WDR55: variants seen among roughly 807,000 people sequenced by gnomAD.
WDR55 encodes the protein WD repeat domain 55.
WDR55 carries 31 observed loss-of-function variants against 34.0 expected under a neutral mutation model. The ratio of observed to expected loss-of-function variants is 0.91; its 90% CI spans 0.69 to 1.23. The LOEUF (loss-of-function observed/expected upper bound fraction) is 1.23, where lower values mean the gene tolerates loss of function less well. Ranked by LOEUF, WDR55 falls within the 50% of genes most tolerant of loss-of-function variation. The pLI is 0.00. For synonymous variants in WDR55, 164 were observed against 185.9 expected (o/e 0.88, Z 0.96); for missense variants, 440 against 494.6 (o/e 0.89, Z 1.05).
In WDR55 at chr5:140,669,183, T is replaced by C. The variant is rs1758001879; in HGVS notation, c.765T>C (p.Ser255=). The change falls in exon 6 of 7, where the codon TCT becomes TCC. Residue 255 remains serine, a synonymous_variant. Coordinates refer to ENST00000358337, the MANE Select transcript of WDR55 (RefSeq NM_017706.5). ...TSDRFALRAE[S]IDCMVPVTES... The stretch of plus-strand genomic sequence containing the variant: ...ACCGCTTTGCCCTGAGAGCTGAATC[T>C]ATCGACTGCATGGTTCCAGTCACCG... 12 of 1,614,132 alleles carry C rather than the reference T, an allele frequency of 7.4e-6. No individual in the cohort carries two copies. Among genetic ancestry groups the C allele is most frequent in the Non-Finnish European group, 1.0e-5 (12 of 1,180,026 alleles).
intron 1 of WDR55, 53 bp downstream of exon 1, chr5:140,665,156 A>G: frequency 1.3e-6 from 2 of 1,500,358 alleles, no homozygotes; most frequent in South Asian, 1.3e-5. Context: ...CCGGGGGTGG[A>G]CCTGGGAACA....
intron 3 of WDR55, 24 bp from the exon 4 acceptor site, chr5:140,668,588 G>A (rs1413135653): frequency 6.2e-7 from 1 of 1,611,048 alleles, no homozygotes; most frequent in Non-Finnish European, 8.5e-7. Flanking sequence ...GATGCTCCAA[G>A]AAGTTCTACA....
At position 140,668,899 on chromosome 5, in the gene WDR55, G is replaced by C. The variant is rs978707041; in HGVS notation, c.569G>C (p.Gly190Ala). The C allele has an allele frequency of 2.5e-6, 4 of 1,614,184 alleles. No homozygotes were observed. The highest frequency in any genetic ancestry group is 3.4e-6 in the Non-Finnish European group (4 of 1,180,036). ...TGCTCTACTCTCTACAGCGGGGATG[G>C]CTGCCTTGGCATCTTCAACATTAAG... ...KKLLLTASGD[G>A]CLGIFNIKRR... The change falls in exon 5 of 7, where the codon GGC becomes GCC. Residue 190 changes from glycine to alanine, a missense_variant. By Grantham distance (60) the Gly-to-Ala change is moderately conservative. Transcript: ENST00000358337.
At chr5:140,668,559 A>T in intron 3 of WDR55, 53 bp from the exon 4 acceptor site, 1 of 1,610,146 alleles carries the variant, frequency 6.2e-7, no homozygotes, top group East Asian at 2.2e-5. Flanking sequence ...AAGGACCAGG[A>T]GGTCCCCACT....
Position 140,669,324 on chromosome 5 carries a change from C to G in WDR55, c.831-9C>G. 2 of 1,610,358 alleles carry G rather than the reference C, an allele frequency of 1.2e-6. No homozygotes were observed. Among genetic ancestry groups the G allele is most frequent in the Non-Finnish European group, 1.7e-6 (2 of 1,177,104 alleles). ...AGCCAGTACTCAACACTGTTCTTTC[C>G]CTGCCCAGGGCTGTGAACATCCTAC... On this transcript the variant is annotated splice_polypyrimidine_tract_variant and intron_variant, in intron 6 of 6. Coordinates refer to ENST00000358337, the MANE Select transcript of WDR55 (RefSeq NM_017706.5).
In WDR55 at chr5:140,669,622, G is replaced by GA; in HGVS notation, c.1124dup (p.Glu376GlyfsTer6). On this transcript the variant is annotated frameshift_variant, in exon 7 of 7. Transcript: ENST00000358337. LOFTEE classifies it high-confidence loss of function. ...GGGAGAAGACTCCATGGCTCAGGAA[G>GA]AAAAGGAGGAGACTGGGGATGACAG... 6.2e-7 allele frequency: 1 copy of GA among 1,613,938 alleles called. No individual in the cohort carries two copies. Among genetic ancestry groups the GA allele is most frequent in the Non-Finnish European group, 8.5e-7 (1 of 1,179,916 alleles).
rs2149814561 is a variant in WDR55 at position 140,671,004 on chromosome 5, G to T, written c.*1350G>T. The T allele has an allele frequency of 1.9e-6, 1 of 526,546 alleles. No homozygotes were observed. 32.6% of individuals were successfully genotyped at this position (526,546 alleles called of 1,614,324 possible). A position where few individuals can be genotyped will look rare whatever the true frequency, so the allele number is the denominator to read the frequency against. On this transcript the variant is annotated 3_prime_UTR_variant, in exon 7 of 7. Transcript: ENST00000358337. Reference sequence around the variant, plus strand: ...TCATGCTAAGCTGTGGCAGAGGGGGGAAGGTATGATCGGGTGGGGGTGGGA... The same window carrying T: ...TCATGCTAAGCTGTGGCAGAGGGGGTAAGGTATGATCGGGTGGGGGTGGGA...
At position 140,668,885 on chromosome 5, in the gene WDR55, C is replaced by A. The variant is rs530821021; in HGVS notation, c.561-6C>A. On this transcript the variant is annotated splice_region_variant and splice_polypyrimidine_tract_variant and intron_variant, in intron 4 of 6. Coordinates refer to ENST00000358337, the MANE Select transcript of WDR55 (RefSeq NM_017706.5). ...GCGTCTAAGCCTACTGCTCTACTCT[C>A]TACAGCGGGGATGGCTGCCTTGGCA... 8.7e-6 allele frequency: 14 copies of A among 1,614,120 alleles called. No individual in the cohort carries two copies. Among genetic ancestry groups the A allele is most frequent in the Non-Finnish European group, 2.5e-6 (3 of 1,180,050 alleles).
In WDR55 at chr5:140,669,459, C is replaced by CA; in HGVS notation, c.959dup (p.Phe321ValfsTer14). ...CCAGTAGTGGCCATGACCAGCGCCT[C>CA]AAGTTTTGGGACATGGCCCAGCTGC... On this transcript the variant is annotated frameshift_variant, in exon 7 of 7. Transcript: ENST00000358337. LOFTEE classifies it high-confidence loss of function. 1 of 1,614,118 alleles carries CA rather than the reference C, an allele frequency of 6.2e-7. No homozygotes were observed. Among genetic ancestry groups the CA allele is most frequent in the Non-Finnish European group, 8.5e-7 (1 of 1,180,012 alleles).
In WDR55 at chr5:140,671,172, G is replaced by T. The variant is rs561649345; in HGVS notation, c.*1518G>T. ...CCTGTCCCAGCAGGGAGGCTGATGG[G>T]CCTGGGCCCATGCCCCTCCCCACCT... On this transcript the variant is annotated 3_prime_UTR_variant, in exon 7 of 7. Coordinates refer to ENST00000358337, the MANE Select transcript of WDR55 (RefSeq NM_017706.5). The T allele has an allele frequency of 1.1e-5, 14 of 1,297,660 alleles. No individual in the cohort carries two copies. The highest frequency in any genetic ancestry group is 4.4e-5 in the African/African-American group (3 of 68,168). The allele number at this position is 1,297,660 out of a possible 1,614,324, so 80.4% of individuals were successfully genotyped here.
At chr5:140,666,880 A>C (rs1757937604) in intron 1 of WDR55, 1 of 985,272 alleles carries the variant, frequency 1.0e-6, no homozygotes, top group Non-Finnish European at 1.2e-6. Context: ...TCTAGGGTAG[A>C]TGCTCAACAC....
chr5:140,665,152 G>T (rs1443859457), intron 1 of WDR55, 49 bp downstream of exon 1: 1 of 1,512,038 alleles, frequency 6.6e-7, no homozygotes, highest in Non-Finnish European at 8.9e-7. Flanking sequence ...CTTCCCGGGG[G>T]TGGACCTGGG....
At position 140,670,659 on chromosome 5, in the gene WDR55, T is replaced by C; in HGVS notation, c.*1005T>C. ...CCAACACACCCGGCCTGGATATGAA[T>C]TTATAATACCCTACAGTGCAACACA... On this transcript the variant is annotated 3_prime_UTR_variant, in exon 7 of 7. Transcript: ENST00000358337. The C allele has an allele frequency of 6.5e-6, 1 of 154,556 alleles. No individual in the cohort carries two copies. Among genetic ancestry groups the C allele is most frequent in the Admixed American group, 6.3e-5 (1 of 15,758 alleles). 9.6% of individuals were successfully genotyped at this position (154,556 alleles called of 1,614,324 possible).
Position 140,671,607 on chromosome 5 carries a change from A to T in WDR55, c.*1953A>T. 1 of 1,573,150 alleles carries T rather than the reference A, an allele frequency of 6.4e-7. No individual in the cohort carries two copies. Among genetic ancestry groups the T allele is most frequent in the Non-Finnish European group, 8.6e-7 (1 of 1,159,986 alleles). ...GTAGCCCGAGCCCCTTGGAACCCTA[A>T]CTTGTCCCTTGCCAAAGCCAACTGG... On this transcript the variant is annotated 3_prime_UTR_variant, in exon 7 of 7. Transcript: ENST00000358337.
chr5:140,667,059 C>A, intron 1 of WDR55: 1 of 985,440 alleles, frequency 1.0e-6, no homozygotes, highest in African/African-American at 1.7e-5. Context: ...ATTATACCTA[C>A]CCTTGCAGAG....
rs1337976969 is a variant in WDR55 at position 140,672,344 on chromosome 5, C to T, written c.*2690C>T. On this transcript the variant is annotated 3_prime_UTR_variant, in exon 7 of 7. Coordinates refer to ENST00000358337, the MANE Select transcript of WDR55 (RefSeq NM_017706.5). The stretch of plus-strand genomic sequence containing the variant: ...AATAGTAAAAGGTTGCAAATTCTGG[C>T]ATGTTTGACTCTAAGATCTTGTAAC... The T allele has an allele frequency of 5.4e-6, 7 of 1,288,650 alleles. No homozygotes were observed. In the East Asian group the frequency reaches 7.8e-5, roughly 14 times the overall value. 79.8% of individuals were successfully genotyped at this position (1,288,650 alleles called of 1,614,324 possible).
At chr5:140,666,643 A>G in intron 1 of WDR55, 1 of 984,756 alleles carries the variant, frequency 1.0e-6, no homozygotes, top group Non-Finnish European at 1.2e-6. Flanking sequence ...TGTCTCCTTC[A>G]CTAATGTTTT....
In WDR55 at chr5:140,666,770, G is replaced by T. The variant is rs544048439; in HGVS notation, c.192-1464G>T. 4.1e-6 allele frequency: 4 copies of T among 985,182 alleles called. No homozygotes were observed. The African/African-American group carries it at 5.2e-5, about 13-fold the overall frequency. The allele number at this position is 985,182 out of a possible 1,614,324, so 61.0% of individuals were successfully genotyped here. A position where few individuals can be genotyped will look rare whatever the true frequency, so the allele number is the denominator to read the frequency against. On this transcript the variant is annotated intron_variant, in intron 1 of 6. Transcript: ENST00000358337. ...TGTACATGTACACAAAATGCTGATCGTAGCTTACTAGTCCGTTATATGACT... is the reference window on the plus strand; with the variant it reads ...TGTACATGTACACAAAATGCTGATCTTAGCTTACTAGTCCGTTATATGACT...
rs769083158 is a variant in WDR55 at position 140,668,425 on chromosome 5, T to C, written c.303T>C (p.Thr101=). 1.2e-6 allele frequency: 2 copies of C among 1,614,102 alleles called. No individual in the cohort carries two copies. Among genetic ancestry groups the C allele is most frequent in the Non-Finnish European group, 1.7e-6 (2 of 1,180,046 alleles). Residue 101 remains threonine, a synonymous_variant, in exon 3 of 7, where the codon ACT becomes ACC. Coordinates refer to ENST00000358337, the MANE Select transcript of WDR55 (RefSeq NM_017706.5). ...GCACCTTTTCCCCAGAGCTCATTAC[T>C]GTCTCCAAGGACAAAGCCATCCATG... ...AFSEDGQKLI[T]VSKDKAIHVL...
Sources: allele counts gnomAD v4.1 joint callset, GRCh38; gene constraint gnomAD v4.1.1; transcripts MANE v1.5; gene names NCBI Gene and HGNC (gene_info 2026-07-23, HGNC 2026-07-21).